EBF2: variants seen among roughly 807,000 people sequenced by gnomAD.
EBF2 encodes EBF transcription factor 2, also known as transcription factor COE2.
A neutral mutation model predicts 72.8 loss-of-function variants in EBF2; 21 were observed. That is an observed-to-expected ratio of 0.29 (90% confidence interval 0.20 to 0.42). EBF2 has a LOEUF of 0.42. Ranked by LOEUF, EBF2 falls within the 10% of genes least tolerant of loss-of-function variation. The probability of loss-of-function intolerance (pLI) is 1.00; values close to 1 mark genes in which losing one functional copy is unlikely to be tolerated. For missense variants in EBF2, 637 were observed against 731.2 expected (o/e 0.87, Z 1.49); for synonymous variants, 299 against 274.2 (o/e 1.09, Z -0.89).
intron 6 of EBF2, among the ~76,000 whole-genome samples, chr8:26,029,453 A>G (rs1805357028): frequency 6.6e-6 from 1 of 152,238 alleles, no homozygotes; most frequent in Admixed American, 6.5e-5. Flanking sequence ...ATTTGTCCAT[A>G]GCAGTTTGGA....
chr8:25,898,738 C>T (rs1481624054), intron 7 of EBF2, among the ~76,000 whole-genome samples: 1 of 152,142 alleles, frequency 6.6e-6, no homozygotes, highest in African/African-American at 2.4e-5. Flanking sequence ...GTCTAGGAAG[C>T]TCTAGCCCCA....
At chr8:25,937,258 C>T (rs946762391) in intron 6 of EBF2, among the ~76,000 whole-genome samples, 1 of 152,140 alleles carries the variant, frequency 6.6e-6, no homozygotes, top group Non-Finnish European at 1.5e-5. Flanking sequence ...CAGAAAATTA[C>T]GATCTCCAAG....
At chr8:25,916,608 C>A (rs1459346793) in intron 6 of EBF2, among the ~76,000 whole-genome samples, 2 of 152,054 alleles carry the variant, frequency 1.3e-5, no homozygotes, top group African/African-American at 2.4e-5. Context: ...ACTGGAAGAA[C>A]TTCCCTTAAT....
intron 6 of EBF2, among the ~76,000 whole-genome samples, chr8:25,955,318 T>C (rs4871962): frequency 0.19 from 29,182 of 152,140 alleles, 3,905 homozygotes; most frequent in East Asian, 0.76. Flanking sequence ...AGAAACCAGC[T>C]TGGAAGCCAT....
At chr8:25,886,227 A>C (rs977153933) in intron 10 of EBF2, among the ~76,000 whole-genome samples, 1 of 152,210 alleles carries the variant, frequency 6.6e-6, no homozygotes, top group African/African-American at 2.4e-5. Flanking sequence ...TCTCCTTCAA[A>C]AGTTTCTAAA....
intron 7 of EBF2, among the ~76,000 whole-genome samples, chr8:25,892,533 C>T (rs1802802601): frequency 6.6e-6 from 1 of 152,194 alleles, no homozygotes; most frequent in African/African-American, 2.4e-5. Flanking sequence ...CCAGTCCATC[C>T]TACCCCCACC....
intron 5 of EBF2, among the ~76,000 whole-genome samples, chr8:26,037,009 T>C (rs1805513130): frequency 6.6e-6 from 1 of 152,228 alleles, no homozygotes; most frequent in Non-Finnish European, 1.5e-5. Flanking sequence ...TGCTCTTTTT[T>C]CCTAATGAAT....
At chr8:26,035,905 C>A (rs1340056712) in intron 5 of EBF2, among the ~76,000 whole-genome samples, 1 of 152,000 alleles carries the variant, frequency 6.6e-6, no homozygotes, top group Non-Finnish European at 1.5e-5. Context: ...ATTTCTCCCA[C>A]CTTTCCTGTT....
intron 6 of EBF2, among the ~76,000 whole-genome samples, chr8:25,983,669 C>T (rs1030086075): frequency 6.6e-6 from 1 of 152,232 alleles, no homozygotes; most frequent in Non-Finnish European, 1.5e-5. Context: ...CCGGCCCCAG[C>T]TTCCTCAGCA....
chr8:25,889,989 G>C, intron 7 of EBF2, 120 bp from the exon 8 acceptor site: 1 of 799,510 alleles, frequency 1.3e-6, no homozygotes. Flanking sequence ...AGATGGGACA[G>C]AACTTGGGAC....
At chr8:25,846,897 A>G (rs1801851738) in intron 15 of EBF2, among the ~76,000 whole-genome samples, 1 of 152,122 alleles carries the variant, frequency 6.6e-6, no homozygotes, top group Admixed American at 6.5e-5. Context: ...GCTTGTAGAA[A>G]CCATAGGCAA....
At chr8:25,865,796 C>A (rs186709368) in intron 10 of EBF2, among the ~76,000 whole-genome samples, 3 of 151,100 alleles carry the variant, frequency 2.0e-5, no homozygotes, top group Non-Finnish European at 4.4e-5. Flanking sequence ...GAGGCTGAGG[C>A]GGGCAGATCA....
At chr8:26,014,335 G>T (rs373881960) in intron 6 of EBF2, among the ~76,000 whole-genome samples, 1 of 151,986 alleles carries the variant, frequency 6.6e-6, no homozygotes, top group Admixed American at 6.6e-5. Context: ...ATCTCACAAA[G>T]CTTCTGCCCT....
At position 25,973,276 on chromosome 8, in the gene EBF2, C is replaced by A. The variant is rs149025666; in HGVS notation, c.551+59809G>T. ...AGATATGTATTGAGGGATTTTTAAACTCTGATTCCATCCTTTTAGCTAGAT... is the reference window on the plus strand; with the variant it reads ...AGATATGTATTGAGGGATTTTTAAAATCTGATTCCATCCTTTTAGCTAGAT... On this transcript the variant is annotated intron_variant, in intron 6 of 15. Coordinates refer to ENST00000520164, the MANE Select transcript of EBF2 (RefSeq NM_022659.4). Among the ~76,000 whole-genome samples the A allele has an allele frequency of 3.5e-3, 537 of 152,270 alleles. 7 individuals carry two copies. The highest frequency in any genetic ancestry group is 0.012 in the African/African-American group (508 of 41,536).
chr8:25,995,913 C>A (rs902874263), intron 6 of EBF2, among the ~76,000 whole-genome samples: 2 of 151,582 alleles, frequency 1.3e-5, no homozygotes, highest in African/African-American at 2.4e-5. Context: ...TATTAGAATT[C>A]CAAAGAAAAA....
chr8:25,869,075 G>A (rs186637821), intron 10 of EBF2, among the ~76,000 whole-genome samples: 3 of 151,920 alleles, frequency 2.0e-5, no homozygotes, highest in Non-Finnish European at 2.9e-5. Context: ...CTGCTTTCTC[G>A]GCCAACCACC....
intron 6 of EBF2, among the ~76,000 whole-genome samples, chr8:25,941,654 A>G (rs1197363853): frequency 6.6e-6 from 1 of 152,066 alleles, no homozygotes; most frequent in Non-Finnish European, 1.5e-5. Flanking sequence ...TCTGTGCCCT[A>G]AGCTACGGAG....
intron 7 of EBF2, among the ~76,000 whole-genome samples, chr8:25,899,771 G>T (rs140576884): frequency 8.5e-5 from 13 of 152,276 alleles, no homozygotes; most frequent in African/African-American, 2.6e-4. Flanking sequence ...CTTTGTCAGA[G>T]CCATTCATTT....
chr8:26,024,843 T>C (rs1468394894), intron 6 of EBF2, among the ~76,000 whole-genome samples: 1 of 152,182 alleles, frequency 6.6e-6, no homozygotes, highest in East Asian at 1.9e-4. Context: ...GGGAGAGGTA[T>C]TATTAACACC....
Sources: allele counts gnomAD v4.1 joint callset (sites outside exome capture counted in the v4.1 genomes callset), GRCh38; gene constraint gnomAD v4.1.1; transcripts MANE v1.5; gene names NCBI Gene and HGNC (gene_info 2026-07-23, HGNC 2026-07-21).